RAD51B: variants seen among roughly 807,000 people sequenced by gnomAD.
RAD51B encodes the protein DNA repair protein RAD51 homolog 2.
In RAD51B, 38 loss-of-function variants were observed where a neutral mutation model predicts 42.2. The observed-to-expected ratio is 0.90, with a 90% CI of 0.70 to 1.18. RAD51B has a LOEUF of 1.18. RAD51B is among the 50% of genes most tolerant of loss of function. The pLI, the probability that RAD51B is intolerant of heterozygous loss-of-function variation, is 0.00. For synonymous variants in RAD51B, 154 were observed against 145.2 expected (o/e 1.06, Z -0.43); for missense variants, 373 against 400.7 (o/e 0.93, Z 0.59).
At chr14:67,842,325 A>G (rs1362041349) in intron 4 of RAD51B, among the ~76,000 whole-genome samples, 1 of 152,118 alleles carries the variant, frequency 6.6e-6, no homozygotes, top group Non-Finnish European at 1.5e-5. Context: ...GTATAGAATC[A>G]TATTGTCAGT....
intron 7 of RAD51B, among the ~76,000 whole-genome samples, chr14:68,213,361 T>A (rs1357523605): frequency 6.6e-6 from 1 of 152,068 alleles, no homozygotes; most frequent in Non-Finnish European, 1.5e-5. Context: ...TTTACCCAAG[T>A]CCCACAGCCA....
chr14:68,375,072 G>C (rs1334764278), intron 8 of RAD51B, among the ~76,000 whole-genome samples: 1 of 152,012 alleles, frequency 6.6e-6, no homozygotes, highest in East Asian at 1.9e-4. Context: ...GTCATGGTTT[G>C]TAAAGGTTAG....
At chr14:68,198,373 C>T (rs770344142) in intron 7 of RAD51B, among the ~76,000 whole-genome samples, 18 of 152,074 alleles carry the variant, frequency 1.2e-4, no homozygotes, top group Non-Finnish European at 2.1e-4. Context: ...TCAGGTAGTG[C>T]GAGTTCTCTG....
intron 7 of RAD51B, among the ~76,000 whole-genome samples, chr14:68,046,549 G>C (rs2076303293): frequency 2.0e-5 from 3 of 152,202 alleles, no homozygotes. Flanking sequence ...GGCCAGCCTG[G>C]GCAACATGGT....
intron 8 of RAD51B, among the ~76,000 whole-genome samples, chr14:68,354,217 T>G (rs2082848831): frequency 2.0e-4 from 1 of 4,964 alleles, no homozygotes; most frequent in Non-Finnish European, 3.0e-4. Flanking sequence ...GGTTTTTTGG[T>G]TTTTTTTTTT....
intron 7 of RAD51B, among the ~76,000 whole-genome samples, chr14:67,975,427 C>G (rs1027923806): frequency 2.0e-5 from 3 of 152,186 alleles, no homozygotes; most frequent in Admixed American, 2.0e-4. Context: ...ATAAACCAGC[C>G]TTATCATATT....
intron 10 of RAD51B, among the ~76,000 whole-genome samples, chr14:68,618,172 G>C (rs541300943): frequency 6.6e-6 from 1 of 152,184 alleles, no homozygotes; most frequent in Non-Finnish European, 1.5e-5. Context: ...TGTGTTCCCA[G>C]GTGGCTGGCT....
chr14:68,525,649 C>A (rs763318441), intron 10 of RAD51B, among the ~76,000 whole-genome samples: 39 of 152,142 alleles, frequency 2.6e-4, no homozygotes, highest in Non-Finnish European at 4.9e-4. Flanking sequence ...AGCAGTGTTG[C>A]CAGGGCCTCT....
downstream of RAD51B, among the ~76,000 whole-genome samples, chr14:68,479,336 C>T (rs1303957374): frequency 6.6e-6 from 1 of 152,106 alleles, no homozygotes; most frequent in Non-Finnish European, 1.5e-5. Context: ...CTCCAAAATC[C>T]GGCACGTTGG....
At chr14:67,876,850 A>G (rs939325031) in intron 5 of RAD51B, among the ~76,000 whole-genome samples, 2 of 152,202 alleles carry the variant, frequency 1.3e-5, no homozygotes, top group East Asian at 3.8e-4. Flanking sequence ...TCCACTAGCA[A>G]TTGATATGCA....
intron 10 of RAD51B, among the ~76,000 whole-genome samples, chr14:68,636,056 C>T (rs907560625): frequency 6.6e-6 from 1 of 152,170 alleles, no homozygotes; most frequent in African/African-American, 2.4e-5. Flanking sequence ...AGGCCTCCAG[C>T]CGTGAGTGCT....
intron 4 of RAD51B, among the ~76,000 whole-genome samples, chr14:67,842,166 G>A (rs2041451675): frequency 1.3e-5 from 2 of 152,062 alleles, no homozygotes; most frequent in African/African-American, 4.8e-5. Context: ...AAATGGGATT[G>A]TATTCTTGAC....
chr14:67,828,077 G>T (rs142368730), intron 3 of RAD51B, among the ~76,000 whole-genome samples: 3,715 of 149,780 alleles, frequency 0.025, 73 homozygotes, highest in African/African-American at 0.057. Flanking sequence ...TGTCTTCCAC[G>T]ATGGTTGAAT....
At chr14:68,578,641 A>C (rs1890073785) in intron 10 of RAD51B, among the ~76,000 whole-genome samples, 1 of 152,208 alleles carries the variant, frequency 6.6e-6, no homozygotes, top group African/African-American at 2.4e-5. Context: ...CTCACAGGCA[A>C]AGGGCCCTTA....
At chr14:67,901,339 G>A (rs1001618741) in intron 7 of RAD51B, among the ~76,000 whole-genome samples, 7 of 152,194 alleles carry the variant, frequency 4.6e-5, no homozygotes, top group African/African-American at 1.7e-4. Context: ...TTGCGCCTGT[G>A]CCTAAGTTGG....
At chr14:67,823,713 A>T in intron 2 of RAD51B, 86 bp downstream of exon 2, 1 of 955,150 alleles carries the variant, frequency 1.0e-6, no homozygotes. Flanking sequence ...GAAATATGAA[A>T]ATGTAGGCTT....
Position 67,940,837 on chromosome 14 carries a change from A to C in RAD51B, c.756+53633A>C, listed in dbSNP as rs35675189. Reference sequence around the variant, plus strand: ...TTCTTTCATCTATGTCCCATATTATACAAATGTTCGCTGAAAGCACCAATT... The same window carrying C: ...TTCTTTCATCTATGTCCCATATTATCCAAATGTTCGCTGAAAGCACCAATT... On this transcript the variant is annotated intron_variant, in intron 7 of 10. Coordinates refer to ENST00000471583, the MANE Select transcript of RAD51B (RefSeq NM_133510.4). Among the ~76,000 whole-genome samples, 5 of 152,200 alleles carry C rather than the reference A, an allele frequency of 3.3e-5. No homozygotes were observed. In the East Asian group the frequency reaches 9.6e-4, roughly 29 times the overall value.
At chr14:68,656,504 T>C (rs1163468608) in intron 11 of RAD51B, among the ~76,000 whole-genome samples, 1 of 152,134 alleles carries the variant, frequency 6.6e-6, no homozygotes, top group Admixed American at 6.5e-5. Context: ...TGCCAGAGAT[T>C]GCCACCCCTC....
chr14:67,903,904 C>T (rs1331500855), intron 7 of RAD51B, among the ~76,000 whole-genome samples: 3 of 152,112 alleles, frequency 2.0e-5, no homozygotes, highest in Admixed American at 1.3e-4. Flanking sequence ...TACCCTCCTC[C>T]CACCAGCCAC....
Sources: allele counts gnomAD v4.1 joint callset (sites outside exome capture counted in the v4.1 genomes callset), GRCh38; gene constraint gnomAD v4.1.1; transcripts MANE v1.5; gene names NCBI Gene and HGNC (gene_info 2026-07-23, HGNC 2026-07-21).